ZFP2: variants seen among roughly 807,000 people sequenced by gnomAD.
ZFP2 encodes the protein ZFP2 zinc finger protein, also known as zinc finger protein ZFP2.
A neutral mutation model predicts 36.1 loss-of-function variants in ZFP2; 33 were observed. The observed-to-expected ratio is 0.92, with a 90% confidence interval of 0.69 to 1.22. The LOEUF is 1.22. Ranked by LOEUF, ZFP2 falls within the 50% of genes most tolerant of loss-of-function variation. The pLI is 0.00. For missense variants in ZFP2, 522 were observed against 551.4 expected, an observed-to-expected ratio of 0.95 and a Z score of 0.53; for synonymous variants, 170 against 178.0, an observed-to-expected ratio of 0.96 and a Z score of 0.36.
chr5:178,924,778 G>A (rs1343518876), intron 4 of ZFP2, among the ~76,000 whole-genome samples: 29 of 148,900 alleles, frequency 1.9e-4, no homozygotes, highest in Admixed American at 9.5e-4. Context: ...AACCCAGGAG[G>A]CGGAGGTAGC....
intron 1 of ZFP2, among the ~76,000 whole-genome samples, chr5:178,896,794 A>C (rs546500750): frequency 3.3e-5 from 5 of 152,328 alleles, no homozygotes; most frequent in African/African-American, 1.2e-4. Flanking sequence ...ATCTTTTAAA[A>C]CTGAGTCATG....
intron 1 of ZFP2, among the ~76,000 whole-genome samples, chr5:178,901,340 A>T (rs1758054381): frequency 6.6e-6 from 1 of 152,230 alleles, no homozygotes; most frequent in African/African-American, 2.4e-5. Flanking sequence ...AGCTGCTGTA[A>T]TAAAGTGCCA....
intron 4 of ZFP2, among the ~76,000 whole-genome samples, chr5:178,925,703 G>A (rs1214521546): frequency 6.7e-6 from 1 of 149,024 alleles, no homozygotes; most frequent in Non-Finnish European, 1.5e-5. Context: ...CTTTCCTTAA[G>A]TGCTTATTCA....
intron 4 of ZFP2, among the ~76,000 whole-genome samples, chr5:178,924,848 C>CA (rs1758633459): frequency 6.8e-6 from 1 of 147,726 alleles, no homozygotes; most frequent in Non-Finnish European, 1.5e-5. Context: ...AACTCCATCT[C>CA]AAAATAATAA....
chr5:178,906,935 G>A (rs1474748239), intron 1 of ZFP2, among the ~76,000 whole-genome samples: 1 of 151,520 alleles, frequency 6.6e-6, no homozygotes, highest in African/African-American at 2.4e-5. Context: ...AGTGTTGGAA[G>A]CTGAACTATA....
At chr5:178,901,755 T>A (rs1758061372) in intron 1 of ZFP2, among the ~76,000 whole-genome samples, 1 of 142,354 alleles carries the variant, frequency 7.0e-6, no homozygotes, top group African/African-American at 2.6e-5. Flanking sequence ...AAATTTTAGT[T>A]ATTTTCAAGG....
chr5:178,925,181 ATATT>A (rs1298913445), intron 4 of ZFP2, among the ~76,000 whole-genome samples: 1 of 147,382 alleles, frequency 6.8e-6, no homozygotes, highest in African/African-American at 2.5e-5. Flanking sequence ...ATATACATAT[ATATT>A]ATGTGCCTTT....
At chr5:178,925,628 G>A (rs10052356) in intron 4 of ZFP2, among the ~76,000 whole-genome samples, 44,247 of 148,570 alleles carry the variant, frequency 0.3, 8,956 homozygotes, top group South Asian at 0.37. Flanking sequence ...GGCTTTAATC[G>A]GCTTTCCCTT....
chr5:178,916,706 T>A lies in ZFP2; in HGVS notation c.-82T>A, dbSNP rs1758438519. The A allele has an allele frequency of 1.0e-6, 1 of 985,442 alleles. No individual in the cohort carries two copies. Among genetic ancestry groups the A allele is most frequent in the East Asian group, 1.1e-4 (1 of 8,818 alleles). The allele number at this position is 985,442 out of a possible 1,614,324, so 61.0% of individuals were successfully genotyped here. A position where few individuals can be genotyped will look rare whatever the true frequency, so the allele number is the denominator to read the frequency against. On this transcript the variant is annotated 5_prime_UTR_variant, in exon 4 of 5. Transcript: ENST00000361362. The stretch of plus-strand genomic sequence containing the variant: ...TCTCACTTACTTGACACAAAACATC[T>A]ATAGGTAAGTACTGGTACTCCTCTT...
At position 178,897,005 on chromosome 5, in the gene ZFP2, C is replaced by T. The variant is rs1166241958; in HGVS notation, c.-450+1031C>T. On this transcript the variant is annotated intron_variant, in intron 1 of 4. Coordinates refer to ENST00000361362, the MANE Select transcript of ZFP2 (RefSeq NM_030613.4). ...AAAGTATGGATGTGTCGTATTGAATCCTCTCCTTAGGTTTTTGTGTTAGGG... is the reference window on the plus strand; with the variant it reads ...AAAGTATGGATGTGTCGTATTGAATTCTCTCCTTAGGTTTTTGTGTTAGGG... Among the ~76,000 whole-genome samples the T allele has an allele frequency of 2.6e-5, 4 of 151,718 alleles. No homozygotes were observed. In the East Asian group the frequency reaches 7.7e-4, roughly 29 times the overall value.
intron 4 of ZFP2, among the ~76,000 whole-genome samples, chr5:178,925,967 C>T (rs1758660575): frequency 6.7e-6 from 1 of 148,974 alleles, no homozygotes; most frequent in Non-Finnish European, 1.5e-5. Context: ...CCCACCTCAG[C>T]CTCCGAGTAG....
intron 1 of ZFP2, among the ~76,000 whole-genome samples, chr5:178,898,873 G>A (rs1481437968): frequency 2.0e-5 from 3 of 152,226 alleles, no homozygotes; most frequent in Non-Finnish European, 4.4e-5. Flanking sequence ...TGCTGTTCAA[G>A]GGTCAGAAAG....
Position 178,931,661 on chromosome 5 carries a change from CCTT to C in ZFP2, c.352_354del (p.Leu118del), listed in dbSNP as rs1758843265. ...GCAAAACCTTCAGTCAGAGCTCATC[CCTT>C]CTTAAGCACCAGAGGATTCATACTG... On this transcript the variant is annotated inframe_deletion, in exon 5 of 5. Transcript: ENST00000361362. The C allele has an allele frequency of 6.2e-7, 1 of 1,614,066 alleles. No homozygotes were observed. Among genetic ancestry groups the C allele is most frequent in the South Asian group, 1.1e-5 (1 of 91,068 alleles).
chr5:178,912,805 G>A, intron 2 of ZFP2, 86 bp downstream of exon 2: 1 of 982,416 alleles, frequency 1.0e-6, no homozygotes, highest in South Asian at 4.3e-5. Flanking sequence ...TTTGCTTGGT[G>A]TCCTCTCTTT....
rs145522711 is a variant in ZFP2 at position 178,925,744 on chromosome 5, G to C, written c.-77-5493G>C. ...TTTGCCCATTTTTCTAGTGGGCTTG[G>C]TGTTTCATAAGCATTATTTTCCAAG... On this transcript the variant is annotated intron_variant, in intron 4 of 4. Transcript: ENST00000361362. Among the ~76,000 whole-genome samples, 91 of 149,502 alleles carry C rather than the reference G, an allele frequency of 6.1e-4. 2 individuals are homozygous for C. The highest frequency in any genetic ancestry group is 2.1e-3 in the African/African-American group (86 of 41,264).
intron 1 of ZFP2, among the ~76,000 whole-genome samples, chr5:178,898,865 C>G (rs778402900): frequency 3.7e-4 from 57 of 152,336 alleles, no homozygotes; most frequent in Non-Finnish European, 5.7e-4. Flanking sequence ...GTTCTTGGTG[C>G]TGTTCAAGGG....
At chr5:178,916,848 G>T (rs1292093363) in intron 4 of ZFP2, 138 bp downstream of exon 4, 2 of 577,624 alleles carry the variant, frequency 3.5e-6, no homozygotes, top group African/African-American at 4.1e-5. Flanking sequence ...TTCTTCCCTT[G>T]CCCTGCTGTG....
At chr5:178,896,809 G>A (rs1248209290) in intron 1 of ZFP2, among the ~76,000 whole-genome samples, 4 of 152,180 alleles carry the variant, frequency 2.6e-5, no homozygotes, top group Non-Finnish European at 5.9e-5. Flanking sequence ...GTCATGAGAT[G>A]CATTTGGTAA....
Position 178,922,079 on chromosome 5 carries a change from A to C in ZFP2, c.-78+5369A>C, listed in dbSNP as rs1758571453. 15 of 977,410 alleles carry C rather than the reference A, an allele frequency of 1.5e-5. No individual in the cohort carries two copies. In the South Asian group the frequency reaches 2.0e-4, roughly 13 times the overall value. 60.5% of individuals were successfully genotyped at this position (977,410 alleles called of 1,614,324 possible). ...AGAAAACATCATGAAAGATACCGATATCAAGAGACTACTGTATACCCATCT... is the reference window on the plus strand; with the variant it reads ...AGAAAACATCATGAAAGATACCGATCTCAAGAGACTACTGTATACCCATCT... On this transcript the variant is annotated intron_variant, in intron 4 of 4. Transcript: ENST00000361362.
Sources: gnomAD v4.1 joint callset for allele counts (sites outside exome capture counted in the v4.1 genomes callset) on GRCh38, gnomAD v4.1.1 for gene constraint, MANE v1.5 for transcripts, NCBI Gene and HGNC (gene_info 2026-07-23, HGNC 2026-07-21) for gene names.